NR3C2: variants seen among roughly 807,000 people sequenced by gnomAD.
NR3C2 encodes nuclear receptor subfamily 3 group C member 2.
A neutral mutation model predicts 86.4 loss-of-function variants in NR3C2; 15 were observed. The ratio of observed to expected loss-of-function variants is 0.17; its 90% CI spans 0.12 to 0.27. NR3C2 has a LOEUF of 0.27. Ranked by LOEUF, NR3C2 falls within the 10% of genes least tolerant of loss-of-function variation. The pLI is 1.00. For missense variants in NR3C2, 960 were observed against 1,195.6 expected (o/e 0.80, Z 2.91); for synonymous variants, 458 against 450.5 (o/e 1.02, Z -0.21).
intron 4 of NR3C2, among the ~76,000 whole-genome samples, chr4:148,159,312 T>C (rs1417411667): frequency 6.6e-6 from 1 of 152,224 alleles, no homozygotes; most frequent in Admixed American, 6.5e-5. Context: ...GTGGGCAAGC[T>C]TCTGAGATTT....
chr4:148,266,416 G>A (rs1002840070), intron 2 of NR3C2, among the ~76,000 whole-genome samples: 4 of 152,190 alleles, frequency 2.6e-5, no homozygotes, highest in Non-Finnish European at 4.4e-5. Context: ...AGAGTAGCCA[G>A]CCACGTGAAG....
chr4:148,183,309 T>C (rs1366823910), intron 4 of NR3C2, among the ~76,000 whole-genome samples: 1 of 152,252 alleles, frequency 6.6e-6, no homozygotes, highest in African/African-American at 2.4e-5. Flanking sequence ...TAAAGTAGCA[T>C]GATTTATAAT....
chr4:148,302,284 C>A (rs1161227429), intron 2 of NR3C2, among the ~76,000 whole-genome samples: 1 of 152,132 alleles, frequency 6.6e-6, no homozygotes, highest in Non-Finnish European at 1.5e-5. Flanking sequence ...ATGGACTGAA[C>A]AACAGAAAAC....
chr4:148,221,286 A>G (rs1737826249), intron 3 of NR3C2, among the ~76,000 whole-genome samples: 1 of 152,250 alleles, frequency 6.6e-6, no homozygotes, highest in Non-Finnish European at 1.5e-5. Flanking sequence ...GTTAAATCTC[A>G]GGATTTCCAG....
intron 8 of NR3C2, among the ~76,000 whole-genome samples, chr4:148,101,783 C>G (rs1731549848): frequency 6.6e-6 from 1 of 152,160 alleles, no homozygotes; most frequent in Non-Finnish European, 1.5e-5. Context: ...TCGAACTGCT[C>G]ACTTACATAC....
chr4:148,198,663 T>C (rs886949623), intron 3 of NR3C2, among the ~76,000 whole-genome samples: 2 of 149,148 alleles, frequency 1.3e-5, no homozygotes, highest in Non-Finnish European at 3.0e-5. Flanking sequence ...ATGAATAATA[T>C]ACACATAAAG....
chr4:148,328,420 A>G (rs536247408), intron 2 of NR3C2, among the ~76,000 whole-genome samples: 112 of 152,308 alleles, frequency 7.4e-4, no homozygotes, highest in African/African-American at 2.5e-3. Flanking sequence ...TTATGTTCAA[A>G]AGGGAGAAAA....
chr4:148,108,332 A>G (rs566106167), intron 8 of NR3C2, among the ~76,000 whole-genome samples: 4 of 152,050 alleles, frequency 2.6e-5, no homozygotes, highest in African/African-American at 9.6e-5. Context: ...CTAACTCCTC[A>G]CCTCAAGTGA....
At chr4:148,124,344 T>G (rs556901099) in intron 6 of NR3C2, among the ~76,000 whole-genome samples, 1 of 152,234 alleles carries the variant, frequency 6.6e-6, no homozygotes, top group South Asian at 2.1e-4. Context: ...GATGATAGTT[T>G]AAAAAGCTAT....
intron 3 of NR3C2, among the ~76,000 whole-genome samples, chr4:148,249,300 C>T (rs777670325): frequency 4.0e-5 from 6 of 150,194 alleles, no homozygotes; most frequent in Non-Finnish European, 7.4e-5. Flanking sequence ...TGCTTCCCCC[C>T]GACCAAAAAA....
intron 4 of NR3C2, among the ~76,000 whole-genome samples, chr4:148,170,650 A>G (rs918475913): frequency 2.0e-5 from 3 of 152,190 alleles, no homozygotes; most frequent in African/African-American, 4.8e-5. Flanking sequence ...TCCTACCCCC[A>G]TGCTTTATAG....
rs951315747 is a variant in NR3C2 at position 148,321,500 on chromosome 4, T to C, written c.1758-61383A>G. Among the ~76,000 whole-genome samples the C allele has an allele frequency of 1.0e-3, 157 of 152,164 alleles. 1 individual carries two copies. The highest frequency in any genetic ancestry group is 3.6e-3 in the African/African-American group (148 of 41,494). ...GGGTGTTAAAATCTCCCATTATTAA[T>C]GTGTGGGAGTCTAAGTCTCTTTGTA... On this transcript the variant is annotated intron_variant, in intron 2 of 8. Coordinates refer to ENST00000358102, the MANE Select transcript of NR3C2 (RefSeq NM_000901.5).
intron 8 of NR3C2, among the ~76,000 whole-genome samples, chr4:148,103,989 C>T (rs1229377283): frequency 6.6e-6 from 1 of 152,116 alleles, no homozygotes; most frequent in Admixed American, 6.6e-5. Flanking sequence ...GTTGCATTTT[C>T]CCAATTATAC....
chr4:148,198,579 T>A (rs1736550259), intron 3 of NR3C2, among the ~76,000 whole-genome samples: 1 of 152,154 alleles, frequency 6.6e-6, no homozygotes, highest in Admixed American at 6.5e-5. Flanking sequence ...TGGCTCAATG[T>A]TTCTAGCATT....
chr4:148,080,729 A>C lies in NR3C2; in HGVS notation c.*615T>G, dbSNP rs773069455. The stretch of plus-strand genomic sequence containing the variant: ...CAAGGCATTTAACATCATCTTATCC[A>C]TTCTAATTAAATAAGAAATGGACGC... On this transcript the variant is annotated 3_prime_UTR_variant, in exon 9 of 9. Transcript: ENST00000358102. 1 of 340,302 alleles carries C rather than the reference A, an allele frequency of 2.9e-6. No homozygotes were observed. 21.1% of individuals were successfully genotyped at this position (340,302 alleles called of 1,614,324 possible).
At chr4:148,365,967 T>C (rs1417609157) in intron 2 of NR3C2, among the ~76,000 whole-genome samples, 1 of 152,138 alleles carries the variant, frequency 6.6e-6, no homozygotes, top group Non-Finnish European at 1.5e-5. Flanking sequence ...TTTCAATGTA[T>C]AACAAAAGTT....
intron 8 of NR3C2, among the ~76,000 whole-genome samples, chr4:148,091,842 G>A (rs538535633): frequency 1.3e-5 from 2 of 152,318 alleles, no homozygotes; most frequent in Admixed American, 1.3e-4. Flanking sequence ...CCCTGGAAGG[G>A]GATTCTGGGC....
chr4:148,289,388 CA>C (rs1741691041), intron 2 of NR3C2, among the ~76,000 whole-genome samples: 1 of 151,484 alleles, frequency 6.6e-6, no homozygotes, highest in Non-Finnish European at 1.5e-5. Context: ...TGTTTTTCAT[CA>C]AAGAACATTT....
At chr4:148,415,811 T>C (rs1748964499) in intron 2 of NR3C2, among the ~76,000 whole-genome samples, 1 of 152,220 alleles carries the variant, frequency 6.6e-6, no homozygotes, top group Non-Finnish European at 1.5e-5. Flanking sequence ...GCTGCTCTTT[T>C]AATAATTTTT....
Sources: gnomAD v4.1 joint callset for allele counts (sites outside exome capture counted in the v4.1 genomes callset) on GRCh38, gnomAD v4.1.1 for gene constraint, MANE v1.5 for transcripts, NCBI Gene and HGNC (gene_info 2026-07-23, HGNC 2026-07-21) for gene names.